GABRB1: variants seen among roughly 807,000 people sequenced by gnomAD.
GABRB1 encodes gamma-aminobutyric acid receptor subunit beta-1.
In GABRB1, 17 loss-of-function variants were observed where a neutral mutation model predicts 51.6. The observed-to-expected ratio is 0.33, with a 90% CI of 0.23 to 0.49. The LOEUF is 0.49. Among genes scored for constraint, GABRB1 ranks in the 20% least tolerant of loss-of-function variants. The pLI, the probability that GABRB1 is intolerant of heterozygous loss-of-function variation, is 0.99. For missense variants in GABRB1, 410 were observed against 600.6 expected, an observed-to-expected ratio of 0.68 and a Z score of 3.32; for synonymous variants, 247 against 218.9, an observed-to-expected ratio of 1.13 and a Z score of -1.14.
intron 8 of GABRB1, among the ~76,000 whole-genome samples, chr4:47,415,550 T>C (rs191905763): frequency 1.3e-5 from 2 of 152,296 alleles, no homozygotes; most frequent in African/African-American, 4.8e-5. Context: ...ACCAGGAAGA[T>C]GGAAAATGCT....
intron 4 of GABRB1, among the ~76,000 whole-genome samples, chr4:47,170,382 C>T (rs1290317642): frequency 2.4e-4 from 1 of 4,174 alleles, no homozygotes; most frequent in East Asian, 5.0e-3. Context: ...AGATCCACTA[C>T]ACACACACAC....
chr4:47,421,668 C>T (rs1469961853), intron 8 of GABRB1, among the ~76,000 whole-genome samples: 1 of 152,010 alleles, frequency 6.6e-6, no homozygotes, highest in African/African-American at 2.4e-5. Context: ...TTTGTTCTGT[C>T]CTCTACCCAT....
intron 4 of GABRB1, among the ~76,000 whole-genome samples, chr4:47,180,995 G>A: frequency 6.6e-6 from 1 of 151,762 alleles, no homozygotes; most frequent in East Asian, 1.9e-4. Context: ...CTTGGTATGG[G>A]GCTTTGGGTG....
chr4:46,993,859 T>C (rs1266513519), exon 1 of GABRB1: 2 of 185,364 alleles, frequency 1.1e-5, no homozygotes, highest in Non-Finnish European at 2.3e-5. Context: ...GTGTTCGTCC[T>C]CCTACCTCCT....
chr4:47,395,710 C>T (rs1469550865), intron 5 of GABRB1, among the ~76,000 whole-genome samples: 1 of 152,156 alleles, frequency 6.6e-6, no homozygotes, highest in African/African-American at 2.4e-5. Flanking sequence ...ACTCAAAATA[C>T]ATTAAAAGTT....
chr4:47,179,045 C>T (rs1353345843), intron 4 of GABRB1, among the ~76,000 whole-genome samples: 3 of 151,978 alleles, frequency 2.0e-5, no homozygotes, highest in African/African-American at 7.2e-5. Flanking sequence ...ATACATGTGC[C>T]ATGGTGGTTT....
In GABRB1 at chr4:47,161,334, A is replaced by G; in HGVS notation, c.326A>G (p.Asp109Gly). 6.2e-7 allele frequency: 1 copy of G among 1,611,906 alleles called. No homozygotes were observed. Among genetic ancestry groups the G allele is most frequent in the Non-Finnish European group, 8.5e-7 (1 of 1,178,494 alleles). The change falls in exon 4 of 9, where the codon GAC (aspartate) becomes GGC (glycine). Residue 109 changes from aspartate to glycine, a missense_variant. Asp to Gly is a moderately conservative substitution (Grantham distance 94). Around this residue, in one of 5 missense-constraint regions of GABRB1, gnomAD observed 100 missense variants for 184.3 expected, o/e 0.54. Coordinates refer to ENST00000295454, the MANE Select transcript of GABRB1 (RefSeq NM_000812.4). The stretch of plus-strand genomic sequence containing the variant: ...GGAATCCCACTGAACCTCACCCTAG[A>G]CAATAGGGTAGCTGACCAACTCTGG... ...YSGIPLNLTL[D>G]NRVADQLWVP...
intron 4 of GABRB1, among the ~76,000 whole-genome samples, chr4:47,203,321 C>T (rs1230441790): frequency 1.3e-5 from 2 of 152,146 alleles, no homozygotes; most frequent in Non-Finnish European, 2.9e-5. Flanking sequence ...AGTCGTTCAA[C>T]GTGTAAAGCC....
intron 5 of GABRB1, among the ~76,000 whole-genome samples, chr4:47,331,404 A>G (rs569499718): frequency 6.6e-6 from 1 of 152,148 alleles, no homozygotes; most frequent in African/African-American, 2.4e-5. Flanking sequence ...TTTGCAATCA[A>G]CTTGACTATA....
intron 3 of GABRB1, among the ~76,000 whole-genome samples, chr4:47,052,971 C>G (rs1357605130): frequency 6.6e-6 from 1 of 152,154 alleles, no homozygotes; most frequent in East Asian, 1.9e-4. Flanking sequence ...GAATGAGGCG[C>G]TGTTGCAGGC....
chr4:47,201,162 G>T (rs1286190223), intron 4 of GABRB1, among the ~76,000 whole-genome samples: 1 of 151,724 alleles, frequency 6.6e-6, no homozygotes, highest in Non-Finnish European at 1.5e-5. Context: ...CTTGTGTAAG[G>T]ATACAAAAAA....
intron 4 of GABRB1, among the ~76,000 whole-genome samples, chr4:47,229,219 T>G (rs1721055407): frequency 6.6e-6 from 1 of 152,182 alleles, no homozygotes; most frequent in Admixed American, 6.5e-5. Context: ...CTTATGATGT[T>G]CAATACATGT....
intron 4 of GABRB1, among the ~76,000 whole-genome samples, chr4:47,165,381 G>A (rs1718138194): frequency 6.6e-6 from 1 of 151,926 alleles, no homozygotes; most frequent in African/African-American, 2.4e-5. Flanking sequence ...TTTTCTCACA[G>A]CTTTGGTTTC....
At chr4:47,013,865 C>T (rs1371078185) in intron 1 of GABRB1, among the ~76,000 whole-genome samples, 1 of 152,020 alleles carries the variant, frequency 6.6e-6, no homozygotes, top group Non-Finnish European at 1.5e-5. Flanking sequence ...TGGAGTTGCA[C>T]CAAAATAGAA....
chr4:47,096,070 T>C (rs1714415049), intron 3 of GABRB1, among the ~76,000 whole-genome samples: 1 of 152,192 alleles, frequency 6.6e-6, no homozygotes, highest in African/African-American at 2.4e-5. Context: ...ATATGCCATA[T>C]GGTTTGTCCT....
intron 3 of GABRB1, among the ~76,000 whole-genome samples, chr4:47,037,526 T>C (rs1311681374): frequency 6.9e-6 from 1 of 144,738 alleles, no homozygotes; most frequent in Non-Finnish European, 1.5e-5. Flanking sequence ...ATATATATAT[T>C]CGTTTTTTTT....
At chr4:47,144,063 A>G (rs1717050401) in intron 3 of GABRB1, among the ~76,000 whole-genome samples, 1 of 151,988 alleles carries the variant, frequency 6.6e-6, no homozygotes, top group Non-Finnish European at 1.5e-5. Context: ...AGGAAGGGGC[A>G]TGATAAATTC....
chr4:47,266,190 T>C (rs1424265012), intron 4 of GABRB1, among the ~76,000 whole-genome samples: 2 of 152,188 alleles, frequency 1.3e-5, no homozygotes, highest in African/African-American at 4.8e-5. Context: ...ATTTATTAAA[T>C]AGGGTATCCT....
chr4:47,179,633 T>C (rs1314341400), intron 4 of GABRB1, among the ~76,000 whole-genome samples: 1 of 152,112 alleles, frequency 6.6e-6, no homozygotes, highest in Non-Finnish European at 1.5e-5. Flanking sequence ...GCAAAATAAC[T>C]TTCCTATATA....
Sources: allele counts gnomAD v4.1 joint callset (sites outside exome capture counted in the v4.1 genomes callset), GRCh38; gene constraint gnomAD v4.1.1; regional missense constraint gnomAD v4.1.1; transcripts MANE v1.5; gene names NCBI Gene and HGNC (gene_info 2026-07-23, HGNC 2026-07-21).